The following EXOC6B variants were observed in gnomAD, a reference collection of about 807,000 sequenced individuals.
EXOC6B encodes exocyst complex component 6B.
Under a neutral mutation model 113.5 loss-of-function variants are expected in EXOC6B, and 54 were observed. The ratio of observed to expected loss-of-function variants is 0.48; its 90% CI spans 0.38 to 0.60. The LOEUF (loss-of-function observed/expected upper bound fraction) is 0.60. EXOC6B is among the 20% of genes least tolerant of loss of function. The pLI, the probability that EXOC6B is intolerant of heterozygous loss-of-function variation, is 0.00. For missense variants in EXOC6B, 797 were observed against 977.5 expected, an observed-to-expected ratio of 0.82 and a Z score of 2.46; for synonymous variants, 357 against 339.0, an observed-to-expected ratio of 1.05 and a Z score of -0.58.
chr2:72,541,177 T>C (rs1368502939), intron 8 of EXOC6B, among the ~76,000 whole-genome samples: 2 of 152,170 alleles, frequency 1.3e-5, no homozygotes, highest in Non-Finnish European at 2.9e-5. Context: ...GTTTCCACTT[T>C]TGCTTCTTTC....
At chr2:72,388,134 C>T (rs1692161816) in intron 18 of EXOC6B, among the ~76,000 whole-genome samples, 2 of 152,260 alleles carry the variant, frequency 1.3e-5, no homozygotes, top group South Asian at 4.1e-4. Flanking sequence ...CATCCTATAA[C>T]ACCCTGGACA....
intron 1 of EXOC6B, among the ~76,000 whole-genome samples, chr2:72,751,035 T>C (rs183150497): frequency 7.2e-5 from 11 of 151,828 alleles, no homozygotes; most frequent in African/African-American, 2.7e-4. Flanking sequence ...TAAAGAAATA[T>C]AAAAAGGAAT....
At chr2:72,365,518 A>G (rs975116978) in intron 19 of EXOC6B, among the ~76,000 whole-genome samples, 5 of 152,166 alleles carry the variant, frequency 3.3e-5, no homozygotes, top group African/African-American at 1.2e-4. Context: ...AAGCAGGCAA[A>G]GGGAGAGAAC....
intron 19 of EXOC6B, among the ~76,000 whole-genome samples, chr2:72,353,965 G>T (rs545021802): frequency 6.6e-6 from 1 of 152,304 alleles, no homozygotes; most frequent in South Asian, 2.1e-4. Flanking sequence ...GATTGAAAAT[G>T]CAGAGAAAGA....
intron 20 of EXOC6B, among the ~76,000 whole-genome samples, chr2:72,224,361 G>A (rs1233899752): frequency 1.3e-5 from 2 of 151,912 alleles, no homozygotes; most frequent in East Asian, 1.9e-4. Context: ...CTACCACAAC[G>A]ATTTCACTCA....
At chr2:72,685,760 TA>T (rs1261408426) in intron 6 of EXOC6B, among the ~76,000 whole-genome samples, 1 of 152,126 alleles carries the variant, frequency 6.6e-6, no homozygotes, top group Non-Finnish European at 1.5e-5. Context: ...TCTCTGAAAA[TA>T]AAGAGTGCAG....
intron 6 of EXOC6B, among the ~76,000 whole-genome samples, chr2:72,705,899 A>T (rs931720037): frequency 1.3e-5 from 2 of 152,230 alleles, no homozygotes; most frequent in African/African-American, 4.8e-5. Context: ...GAGTAGCCTA[A>T]CAATAATTAA....
chr2:72,758,121 C>A (rs983043841), intron 1 of EXOC6B, among the ~76,000 whole-genome samples: 1 of 148,634 alleles, frequency 6.7e-6, no homozygotes, highest in East Asian at 2.0e-4. Flanking sequence ...CATGTTTGCA[C>A]CACTGCACTC....
intron 6 of EXOC6B, among the ~76,000 whole-genome samples, chr2:72,653,598 A>AC (rs57876583): frequency 0.065 from 8,645 of 133,090 alleles, 1,147 homozygotes; most frequent in African/African-American, 0.26. Flanking sequence ...ATTGCCAGCA[A>AC]CCCCCCCCCA....
chr2:72,253,069 T>C (rs886840258), intron 20 of EXOC6B, among the ~76,000 whole-genome samples: 5 of 152,018 alleles, frequency 3.3e-5, no homozygotes, highest in African/African-American at 1.2e-4. Flanking sequence ...AAAGAAGACA[T>C]ACATGTGGCC....
In EXOC6B at chr2:72,813,335, T is replaced by C. The variant is rs188380188; in HGVS notation, c.113+12463A>G. Reference sequence around the variant, plus strand: ...AACTCCTGGGCTCAAGTGATCCTCCTGCTCAGCCTCCCAAAGTGCTGGGAT... The same window carrying C: ...AACTCCTGGGCTCAAGTGATCCTCCCGCTCAGCCTCCCAAAGTGCTGGGAT... On this transcript the variant is annotated intron_variant, in intron 1 of 21. Coordinates refer to ENST00000272427, the MANE Select transcript of EXOC6B (RefSeq NM_015189.3). Among the ~76,000 whole-genome samples, 517 of 152,262 alleles carry C rather than the reference T, an allele frequency of 3.4e-3. 5 individuals are homozygous for C. Among genetic ancestry groups the C allele is most frequent in the African/African-American group, 0.012 (495 of 41,550 alleles).
At chr2:72,552,201 A>C (rs1040722086) in intron 8 of EXOC6B, among the ~76,000 whole-genome samples, 4 of 152,208 alleles carry the variant, frequency 2.6e-5, no homozygotes, top group Non-Finnish European at 5.9e-5. Flanking sequence ...TTGAGGGAAA[A>C]AAATTCATTA....
At chr2:72,230,662 C>T (rs1681563464) in intron 20 of EXOC6B, among the ~76,000 whole-genome samples, 1 of 152,090 alleles carries the variant, frequency 6.6e-6, no homozygotes, top group Non-Finnish European at 1.5e-5. Flanking sequence ...GTGTGAAAAG[C>T]TTACAATAGC....
chr2:72,618,350 CGA>C (rs1201874318), intron 6 of EXOC6B, among the ~76,000 whole-genome samples: 1 of 151,872 alleles, frequency 6.6e-6, no homozygotes, highest in Non-Finnish European at 1.5e-5. Flanking sequence ...GCCTGGGTGA[CGA>C]GAGTGAAACT....
intron 20 of EXOC6B, among the ~76,000 whole-genome samples, chr2:72,269,661 T>G (rs187408549): frequency 6.6e-6 from 1 of 152,054 alleles, no homozygotes; most frequent in Non-Finnish European, 1.5e-5. Flanking sequence ...AAGGCAACCT[T>G]TGACATCAGA....
chr2:72,306,796 T>C (rs1229715298), intron 20 of EXOC6B, among the ~76,000 whole-genome samples: 1 of 152,220 alleles, frequency 6.6e-6, no homozygotes, highest in Non-Finnish European at 1.5e-5. Context: ...CAGTAAAGTT[T>C]CCATATGCTC....
intron 20 of EXOC6B, among the ~76,000 whole-genome samples, chr2:72,300,818 G>A (rs1189710103): frequency 1.3e-5 from 2 of 152,092 alleles, no homozygotes; most frequent in East Asian, 1.9e-4. Context: ...TGGGTGAGGC[G>A]ATGCCCCACC....
At chr2:72,532,326 CAAAAG>C (rs576066954) in intron 8 of EXOC6B, among the ~76,000 whole-genome samples, 172 of 152,084 alleles carry the variant, frequency 1.1e-3, no homozygotes, top group Non-Finnish European at 1.9e-3. Flanking sequence ...ACCAAATTAG[CAAAAG>C]AAAACAATAC....
At chr2:72,349,056 G>A (rs954212498) in intron 19 of EXOC6B, among the ~76,000 whole-genome samples, 1 of 152,170 alleles carries the variant, frequency 6.6e-6, no homozygotes, top group African/African-American at 2.4e-5. Flanking sequence ...ATTGGCTGAG[G>A]TAATGGGGAT....
Sources: gnomAD v4.1 joint callset for allele counts (sites outside exome capture counted in the v4.1 genomes callset) on GRCh38, gnomAD v4.1.1 for gene constraint, MANE v1.5 for transcripts, NCBI Gene and HGNC (gene_info 2026-07-23, HGNC 2026-07-21) for gene names.